Variants in SLC10A7 observed in about 807,000 individuals in gnomAD.
The protein encoded by SLC10A7 is solute carrier family 10 member 7.
SLC10A7 carries 29 observed loss-of-function variants against 43.2 expected under a neutral mutation model. The observed-to-expected ratio is 0.67, with a 90% CI of 0.50 to 0.92. SLC10A7 has a LOEUF of 0.92. SLC10A7 is among the 40% of genes least tolerant of loss of function. SLC10A7 has a pLI of 0.00. For synonymous variants in SLC10A7, 152 were observed against 144.8 expected (o/e 1.05, Z -0.35); for missense variants, 295 against 403.2 (o/e 0.73, Z 2.30).
chr4:146,438,321 C>A (rs142866351), intron 5 of SLC10A7, among the ~76,000 whole-genome samples: 2,662 of 152,046 alleles, frequency 0.018, 68 homozygotes, highest in African/African-American at 0.061. Flanking sequence ...CTAGTTCCAG[C>A]AATGAGTATT....
Position 146,254,201 on chromosome 4 carries a change from C to G in SLC10A7, c.*2290G>C, listed in dbSNP as rs1022757176. 2.0e-5 allele frequency: 3 copies of G among 150,366 alleles called. No homozygotes were observed. The highest frequency in any genetic ancestry group is 2.0e-4 in the Admixed American group (3 of 15,166). The allele number at this position is 150,366 out of a possible 1,614,324, so 9.3% of individuals were successfully genotyped here. A position where few individuals can be genotyped will look rare whatever the true frequency, so the allele number is the denominator to read the frequency against. On this transcript the variant is annotated 3_prime_UTR_variant, in exon 12 of 12. Transcript: ENST00000335472. ...ATACTAAGAAAAAACATGAAAATAC[C>G]AACATTATTACCCATTAAAAAATCT...
intron 5 of SLC10A7, among the ~76,000 whole-genome samples, chr4:146,426,797 C>T (rs1424290373): frequency 2.0e-5 from 3 of 152,092 alleles, no homozygotes; most frequent in African/African-American, 7.2e-5. Flanking sequence ...ATCGCTTCAA[C>T]CTGGGAGGCG....
chr4:146,503,825 A>G (rs1234078787), intron 4 of SLC10A7, 24 bp downstream of exon 4: 1 of 1,606,498 alleles, frequency 6.2e-7, no homozygotes, highest in Non-Finnish European at 8.5e-7. Flanking sequence ...ACTTATGTTT[A>G]AATAAGGTAG....
At chr4:146,450,720 T>C (rs1452102158) in intron 4 of SLC10A7, among the ~76,000 whole-genome samples, 1 of 152,184 alleles carries the variant, frequency 6.6e-6, no homozygotes, top group East Asian at 1.9e-4. Context: ...GTGTAAGGAC[T>C]GAATTTACAC....
rs535643173 is a variant in SLC10A7 at position 146,270,843 on chromosome 4, A to G, written c.848-12006T>C. 2.0e-5 allele frequency among the ~76,000 whole-genome samples: 3 copies of G among 152,358 alleles called. No homozygotes were observed. The South Asian group carries it at 6.2e-4, about 32-fold the overall frequency. ...AAGATTACATGCATTAATAAGGCAA[A>G]TTAAGTGCCTAATGCAGTGCCTAGC... On this transcript the variant is annotated intron_variant, in intron 10 of 11. Transcript: ENST00000335472.
At chr4:146,449,056 A>G (rs1456604712) in intron 4 of SLC10A7, among the ~76,000 whole-genome samples, 1 of 152,210 alleles carries the variant, frequency 6.6e-6, no homozygotes, top group Non-Finnish European at 1.5e-5. Context: ...TTAGAATAGC[A>G]TCTCTGTTCC....
At chr4:146,413,290 A>C (rs1045546090) in intron 5 of SLC10A7, among the ~76,000 whole-genome samples, 5 of 152,086 alleles carry the variant, frequency 3.3e-5, no homozygotes, top group African/African-American at 1.2e-4. Flanking sequence ...TTACTTCTTT[A>C]GCTTGTTTTT....
At chr4:146,375,508 C>T (rs1273852463) in intron 5 of SLC10A7, among the ~76,000 whole-genome samples, 3 of 152,174 alleles carry the variant, frequency 2.0e-5, no homozygotes, top group South Asian at 4.1e-4. Context: ...ATTTCCCCAA[C>T]CCTGCCACAG....
intron 2 of SLC10A7, among the ~76,000 whole-genome samples, chr4:146,513,529 A>G (rs191245532): frequency 6.6e-6 from 1 of 152,318 alleles, no homozygotes; most frequent in Non-Finnish European, 1.5e-5. Context: ...AAGTTATAAA[A>G]ACTAAAATGT....
intron 5 of SLC10A7, among the ~76,000 whole-genome samples, chr4:146,367,610 G>A (rs971628068): frequency 2.6e-5 from 4 of 151,926 alleles, no homozygotes; most frequent in Non-Finnish European, 4.4e-5. Flanking sequence ...AAATTTAAGA[G>A]GTCTTTTCTA....
intron 4 of SLC10A7, among the ~76,000 whole-genome samples, chr4:146,446,524 C>T (rs1444495865): frequency 2.7e-5 from 4 of 149,520 alleles, no homozygotes; most frequent in Non-Finnish European, 4.4e-5. Context: ...TGCAGTGAGT[C>T]GAGATTGTAC....
chr4:146,298,021 C>G (rs190377317), intron 7 of SLC10A7, among the ~76,000 whole-genome samples: 2 of 152,166 alleles, frequency 1.3e-5, no homozygotes, highest in African/African-American at 4.8e-5. Context: ...AGTAGGACTA[C>G]GACCCCTATT....
At chr4:146,491,655 GGAGGGAGA>G (rs1310440837) in intron 4 of SLC10A7, among the ~76,000 whole-genome samples, 2 of 149,556 alleles carry the variant, frequency 1.3e-5, no homozygotes, top group Non-Finnish European at 3.0e-5. Flanking sequence ...AAGAAAGGAA[GGAGGGAGA>G]GAGGGAGGGA....
At chr4:146,389,434 A>G (rs1738258301) in intron 5 of SLC10A7, among the ~76,000 whole-genome samples, 1 of 152,172 alleles carries the variant, frequency 6.6e-6, no homozygotes, top group African/African-American at 2.4e-5. Context: ...TCAGAATCCA[A>G]CCATCTTTAT....
At chr4:146,357,757 G>A (rs538265953) in intron 5 of SLC10A7, among the ~76,000 whole-genome samples, 10 of 152,226 alleles carry the variant, frequency 6.6e-5, no homozygotes, top group Middle Eastern at 3.4e-3. Context: ...CTGGAATTTG[G>A]GGAAAAAGGA....
At chr4:146,283,384 A>T (rs1729674694) in intron 9 of SLC10A7, 119 bp from the exon 10 acceptor site, 1 of 739,400 alleles carries the variant, frequency 1.4e-6, no homozygotes, top group Non-Finnish European at 2.3e-6. Flanking sequence ...TGGTGACAGT[A>T]GTAATTCTAC....
Position 146,521,667 on chromosome 4 carries a change from C to T in SLC10A7, c.51G>A (p.Val17=), listed in dbSNP as rs1206213549. ...CCAGTTTAGCTCCAGCGATCGCCAG[C>T]ACTATTCCGACCATGAACCAGTCTT... is the stretch of plus-strand genomic sequence containing the variant. ...MRKDWFMVGI[V]LAIAGAKLEP... Residue 17 remains valine, a synonymous_variant, in exon 1 of 12, where the codon GTG becomes GTA. Transcript: ENST00000335472. 3.1e-6 allele frequency: 5 copies of T among 1,614,178 alleles called. No homozygotes were observed. The highest frequency in any genetic ancestry group is 1.6e-4 in the Middle Eastern group (1 of 6,062).
chr4:146,284,802 G>A (rs565658840), intron 9 of SLC10A7, among the ~76,000 whole-genome samples: 1 of 152,166 alleles, frequency 6.6e-6, no homozygotes, highest in South Asian at 2.1e-4. Flanking sequence ...ATTCCTCACA[G>A]TAGGCCTAAT....
chr4:146,464,634 C>G (rs973319657), intron 4 of SLC10A7, among the ~76,000 whole-genome samples: 1 of 151,048 alleles, frequency 6.6e-6, no homozygotes, highest in Non-Finnish European at 1.5e-5. Flanking sequence ...ATAATGTGAG[C>G]CTAATCCAAA....
Sources: allele counts gnomAD v4.1 joint callset (sites outside exome capture counted in the v4.1 genomes callset), GRCh38; gene constraint gnomAD v4.1.1; transcripts MANE v1.5; gene names NCBI Gene and HGNC (gene_info 2026-07-23, HGNC 2026-07-21).